The following ECSIT variants were observed in gnomAD, a reference collection of about 807,000 sequenced individuals.
ECSIT encodes the protein evolutionarily conserved signaling intermediate in Toll pathway, mitochondrial.
A neutral mutation model predicts 36.8 loss-of-function variants in ECSIT; 29 were observed. The ratio of observed to expected loss-of-function variants is 0.79; its 90% CI spans 0.59 to 1.08. ECSIT has a LOEUF of 1.08. Among genes scored for constraint, ECSIT ranks in the 50% least tolerant of loss-of-function variants. The pLI is 0.00. For missense variants in ECSIT, 542 were observed against 581.0 expected, an observed-to-expected ratio of 0.93 and a Z score of 0.69; for synonymous variants, 231 against 234.8, an observed-to-expected ratio of 0.98 and a Z score of 0.15.
rs770660894 is a variant in ECSIT, at chr19:11,506,174, C to T, written c.*10G>A. On this transcript the variant is annotated 3_prime_UTR_variant, in exon 8 of 8. Coordinates refer to ENST00000270517, the MANE Select transcript of ECSIT (RefSeq NM_016581.5). ...TCGGGCCACAGCCCGTGCCCTCGCG[C>T]CGGCTCAGACTAGCTCTGGCCCTGC... 5.0e-6 allele frequency: 8 copies of T among 1,602,896 alleles called. No homozygotes were observed. The highest frequency in any genetic ancestry group is 1.7e-5 in the Admixed American group (1 of 59,998).
At chr19:11,512,892 G>A (rs1287410448) in intron 4 of ECSIT, among the ~76,000 whole-genome samples, 164 bp downstream of exon 4, 2 of 151,952 alleles carry the variant, frequency 1.3e-5, no homozygotes, top group African/African-American at 4.8e-5. Flanking sequence ...GCAGTGAGCC[G>A]AGATAGTGCC....
chr19:11,505,946 G>C lies in ECSIT; in HGVS notation c.*238C>G, dbSNP rs887955613. ...ACTGCGCATGCGCACAACCAACAGC[G>C]CTCCCGCCCCTTTTTATTTGAATTC... is the stretch of plus-strand genomic sequence containing the variant. On this transcript the variant is annotated 3_prime_UTR_variant, in exon 8 of 8. Coordinates refer to ENST00000270517, the MANE Select transcript of ECSIT (RefSeq NM_016581.5). The C allele has an allele frequency of 3.4e-6, 3 of 892,576 alleles. No homozygotes were observed. Among genetic ancestry groups the C allele is most frequent in the Middle Eastern group, 3.7e-4 (1 of 2,728 alleles). 55.3% of individuals were successfully genotyped at this position (892,576 alleles called of 1,614,324 possible).
In ECSIT at chr19:11,514,058, G is replaced by C; in HGVS notation, c.260C>G (p.Ala87Gly). 6.2e-7 allele frequency: 1 copy of C among 1,614,178 alleles called. No individual in the cohort carries two copies. Among genetic ancestry groups the C allele is most frequent in the East Asian group, 2.2e-5 (1 of 44,880 alleles). The change falls in exon 3 of 8, where the codon GCG (alanine) becomes GGG (glycine). Residue 87 changes from alanine (A) to glycine (G), a missense_variant. Ala to Gly is a moderately conservative substitution (Grantham distance 60, BLOSUM62 0). Transcript: ENST00000270517. ...TTTCTGCACCGTCTGCAGGAAGCTC[G>C]CCTTGTCCCGTTCCCCACCAGGCGC... is the stretch of plus-strand genomic sequence containing the variant. ...GQAPGGERDK[A>G]SFLQTVQKFA...
At chr19:11,509,859 C>T (rs142221066) in intron 4 of ECSIT, among the ~76,000 whole-genome samples, 17 of 152,074 alleles carry the variant, frequency 1.1e-4, no homozygotes, top group African/African-American at 3.6e-4. Flanking sequence ...ATATAATGCC[C>T]TGCTACTAAA....
rs62132864 is a variant in ECSIT, at chr19:11,518,141, T to C, written c.96+934A>G. On this transcript the variant is annotated intron_variant, in intron 2 of 7. Coordinates refer to ENST00000270517, the MANE Select transcript of ECSIT (RefSeq NM_016581.5). ...CCATATACTTAAAAAAAAAAAAAAT[T>C]AGCGGCCGGGTGCGGTGGCTTATGC... 3.1e-3 allele frequency among the ~76,000 whole-genome samples: 460 copies of C among 149,586 alleles called. 4 individuals carry two copies. Among genetic ancestry groups the C allele is most frequent in the African/African-American group, 0.011 (437 of 40,830 alleles).
At chr19:11,524,677 C>T (rs1263587598) in intron 1 of ECSIT, among the ~76,000 whole-genome samples, 1 of 151,032 alleles carries the variant, frequency 6.6e-6, no homozygotes, top group Non-Finnish European at 1.5e-5. Flanking sequence ...AAAAAAATAC[C>T]AGCTGGGTGT....
rs1972056282 is a variant in ECSIT, at chr19:11,519,272, C to T, written c.-23-79G>A. 2.3e-5 allele frequency: 21 copies of T among 926,218 alleles called. No homozygotes were observed. Among genetic ancestry groups the T allele is most frequent in the Non-Finnish European group, 3.4e-5 (20 of 590,524 alleles). 57.4% of individuals were successfully genotyped at this position (926,218 alleles called of 1,614,324 possible). A position where few individuals can be genotyped will look rare whatever the true frequency, so the allele number is the denominator to read the frequency against. ...CGCAAGGGCCCCGCAGGGTCGAGGGCACACTCCAGATTATGTGGCTCACTC... is the reference window on the plus strand; with the variant it reads ...CGCAAGGGCCCCGCAGGGTCGAGGGTACACTCCAGATTATGTGGCTCACTC... On this transcript the variant is annotated intron_variant, in intron 1 of 7. Transcript: ENST00000270517. The surrounding 1 kb of genome is among the most constrained non-coding windows in gnomAD (Gnocchi z 4.4).
At chr19:11,507,965 G>T in intron 5 of ECSIT, 26 bp downstream of exon 5, 3 of 1,614,110 alleles carry the variant, frequency 1.9e-6, no homozygotes, top group Non-Finnish European at 2.5e-6. Flanking sequence ...TTAGAGACTT[G>T]GCTGCCCCCA....
chr19:11,513,239 C>T lies in ECSIT; in HGVS notation c.555G>A (p.Gln185=). The change falls in exon 4 of 8, where the codon CAG becomes CAA. Residue 185 remains glutamine, a synonymous_variant. Transcript: ENST00000270517. ...PNKETEFLLI[Q]IFGRKSYPML... is the part of the protein sequence containing the mutation. The stretch of plus-strand genomic sequence containing the variant: ...TGGGGTAGCTTTTGCGTCCAAAGAT[C>T]TGAATCAGCAGGAACTCCGTCTCCT... 4 of 1,614,112 alleles carry T rather than the reference C, an allele frequency of 2.5e-6. No homozygotes were observed. The highest frequency in any genetic ancestry group is 3.4e-6 in the Non-Finnish European group (4 of 1,180,044).
intron 1 of ECSIT, among the ~76,000 whole-genome samples, chr19:11,522,969 G>C (rs1972137922): frequency 6.6e-6 from 1 of 151,912 alleles, no homozygotes; most frequent in Non-Finnish European, 1.5e-5. Context: ...TACTCAGGAG[G>C]CTGAGGCAGG....
intron 2 of ECSIT, among the ~76,000 whole-genome samples, chr19:11,515,846 C>A (rs1288183438): frequency 6.6e-6 from 1 of 151,986 alleles, no homozygotes; most frequent in Admixed American, 6.6e-5. Context: ...GTTGGCCAGG[C>A]TGGTCTTGAA....
At chr19:11,508,242 G>A (rs1971797864) in intron 4 of ECSIT, among the ~76,000 whole-genome samples, 194 bp from the exon 5 acceptor site, 1 of 152,116 alleles carries the variant, frequency 6.6e-6, no homozygotes, top group South Asian at 2.1e-4. Flanking sequence ...TGCTCACCCT[G>A]AGGGAACTAC....
rs141406930 is a variant in ECSIT at position 11,513,974 on chromosome 19, C to T, written c.344G>A (p.Arg115His). 27 of 1,614,222 alleles carry T rather than the reference C, an allele frequency of 1.7e-5. No homozygotes were observed. Among genetic ancestry groups the T allele is most frequent in the African/African-American group, 2.7e-5 (2 of 75,060 alleles). The change falls in exon 3 of 8, where the codon CGC (arginine) becomes CAC (histidine). Residue 115 changes from arginine to histidine, a missense_variant. By Grantham distance (29) the Arg-to-His change is conservative. Transcript: ENST00000270517. Reference sequence around the variant, plus strand: ...CTCGACACCATACTCCCGCATCTTGCGCAGGGCCAGGTAGATGAAGTCAAT... The same window carrying T: ...CTCGACACCATACTCCCGCATCTTGTGCAGGGCCAGGTAGATGAAGTCAAT... ...GHIDFIYLAL[R>H]KMREYGVERD...
chr19:11,525,913 C>T (rs1350308333), intron 1 of ECSIT, among the ~76,000 whole-genome samples: 1 of 151,032 alleles, frequency 6.6e-6, no homozygotes, highest in Non-Finnish European at 1.5e-5. Context: ...GAAACTCCAT[C>T]TCAAAAAAAA....
Position 11,514,142 on chromosome 19 carries a change from G to A in ECSIT, c.176C>T (p.Pro59Leu), listed in dbSNP as rs758391824. ...SSEQSLVPSP[P>L]EPRQRPTKAL... The stretch of plus-strand genomic sequence containing the variant: ...CTTGGTGGGCCTCTGCCGGGGTTCC[G>A]GTGGGCTGGGAACCAGGGACTGTTC... Residue 59 changes from proline (P) to leucine (L), a missense_variant, in exon 3 of 8, where the codon CCG becomes CTG. Transcript: ENST00000270517. The A allele has an allele frequency of 2.6e-5, 42 of 1,613,668 alleles. No individual in the cohort carries two copies. The East Asian group carries it at 4.0e-4, about 15-fold the overall frequency.
At chr19:11,521,593 C>A (rs1972105074) in intron 1 of ECSIT, among the ~76,000 whole-genome samples, 1 of 151,490 alleles carries the variant, frequency 6.6e-6, no homozygotes, top group African/African-American at 2.4e-5. Context: ...ATGGGAGAGA[C>A]CCTATCTCTA....
At chr19:11,508,136 G>C in intron 4 of ECSIT, 88 bp from the exon 5 acceptor site, 1 of 1,499,992 alleles carries the variant, frequency 6.7e-7, no homozygotes, top group Non-Finnish European at 9.3e-7. Flanking sequence ...GGGATACCAG[G>C]GAATTCAGGA....
In ECSIT at chr19:11,519,452, G is replaced by A. The variant is rs571694332; in HGVS notation, c.-23-259C>T. Among the ~76,000 whole-genome samples, 40 of 152,240 alleles carry A rather than the reference G, an allele frequency of 2.6e-4. No homozygotes were observed. Among genetic ancestry groups the A allele is most frequent in the African/African-American group, 8.9e-4 (37 of 41,552 alleles). ...CCAAGTGATCCTCCAGCCCCAGAGC[G>A]TCGAGAAGCTGGGACTACAGACGCG... On this transcript the variant is annotated intron_variant, in intron 1 of 7. Coordinates refer to ENST00000270517, the MANE Select transcript of ECSIT (RefSeq NM_016581.5). The surrounding 1 kb of genome is among the most constrained non-coding windows in gnomAD (Gnocchi z 4.4).
intron 1 of ECSIT, among the ~76,000 whole-genome samples, chr19:11,526,139 G>T (rs1167404034): frequency 6.6e-6 from 1 of 151,848 alleles, no homozygotes; most frequent in Non-Finnish European, 1.5e-5. Context: ...TAATTTTTGC[G>T]TTCTTAGTAC....
Sources: allele counts gnomAD v4.1 joint callset (sites outside exome capture counted in the v4.1 genomes callset), GRCh38; gene constraint gnomAD v4.1.1; non-coding constraint Gnocchi (gnomAD v3.1); transcripts MANE v1.5; gene names NCBI Gene and HGNC (gene_info 2026-07-23, HGNC 2026-07-21).